ITPRID2: variants seen among roughly 807,000 people sequenced by gnomAD.
ITPRID2 encodes protein ITPRID2.
ITPRID2 carries 60 observed loss-of-function variants against 124.3 expected under a neutral mutation model. The observed-to-expected ratio is 0.48, with a 90% CI of 0.39 to 0.60. The LOEUF (loss-of-function observed/expected upper bound fraction) is 0.60. ITPRID2 is among the 20% of genes least tolerant of loss of function. The pLI, the probability that ITPRID2 is intolerant of heterozygous loss-of-function variation, is 0.00. For missense variants in ITPRID2, 1,553 were observed against 1,512.2 expected, an observed-to-expected ratio of 1.03 and a Z score of -0.45; for synonymous variants, 521 against 542.9, an observed-to-expected ratio of 0.96 and a Z score of 0.56.
At chr2:181,916,630 C>T (rs1694076356) in intron 11 of ITPRID2, 10 of 788,462 alleles carry the variant, frequency 1.3e-5, no homozygotes, top group South Asian at 9.9e-5. Context: ...TGATCAAAGT[C>T]GATTTCTCTG....
At chr2:181,923,229 A>G (rs969792860) in intron 16 of ITPRID2, among the ~76,000 whole-genome samples, 7 of 152,208 alleles carry the variant, frequency 4.6e-5, no homozygotes, top group Non-Finnish European at 8.8e-5. Flanking sequence ...AATAGAATAT[A>G]TCGTTTAAAC....
At chr2:181,900,071 G>A (rs1457566846) in intron 6 of ITPRID2, among the ~76,000 whole-genome samples, 1 of 152,218 alleles carries the variant, frequency 6.6e-6, no homozygotes, top group African/African-American at 2.4e-5. Flanking sequence ...GTATGAGAGA[G>A]AAGGGATACT....
At chr2:181,920,178 G>A (rs772564983) in intron 14 of ITPRID2, among the ~76,000 whole-genome samples, 2 of 152,090 alleles carry the variant, frequency 1.3e-5, no homozygotes, top group African/African-American at 2.4e-5. Flanking sequence ...AGAAATGGAT[G>A]AATATACACA....
Position 181,913,852 on chromosome 2 carries a change from G to T in ITPRID2, c.1494G>T (p.Leu498=), listed in dbSNP as rs1480638628. Residue 498 remains leucine, a synonymous_variant, in exon 10 of 18, where the codon CTG becomes CTT. Coordinates refer to ENST00000431877, the MANE Select transcript of ITPRID2 (RefSeq NM_001130445.3). ...ACATTTTTTTATTCATAGATCATCT[G>T]TTACGTACTGCAAGTCAGCATTCCG... ...LGLTKSKRDH[L]LRTASQHSDS... 6.2e-7 allele frequency: 1 copy of T among 1,612,060 alleles called. No individual in the cohort carries two copies. The highest frequency in any genetic ancestry group is 1.1e-5 in the South Asian group (1 of 90,866).
At position 181,918,584 on chromosome 2, in the gene ITPRID2, T is replaced by C. The variant is rs936564157; in HGVS notation, c.2788-14T>C. 4 of 1,613,156 alleles carry C rather than the reference T, an allele frequency of 2.5e-6. No individual in the cohort carries two copies. The Admixed American group carries it at 5.0e-5, about 20-fold the overall frequency. On this transcript the variant is annotated splice_polypyrimidine_tract_variant and intron_variant, in intron 11 of 17. Transcript: ENST00000431877. ...TTTAACATTGGTTTTAATCCTACTTTTACTTTTTTGAAGTACCCTATGATG... is the reference window on the plus strand; with the variant it reads ...TTTAACATTGGTTTTAATCCTACTTCTACTTTTTTGAAGTACCCTATGATG...
At position 181,892,393 on chromosome 2, in the gene ITPRID2, G is replaced by A; in HGVS notation, c.211+116G>A. On this transcript the variant is annotated intron_variant, in intron 1 of 17. Transcript: ENST00000431877. The surrounding 1 kb of genome is among the most constrained non-coding windows in gnomAD (Gnocchi z 5.2). The stretch of plus-strand genomic sequence containing the variant: ...CCTCGGGCACGGTAGGCCGAGGGGA[G>A]AGGGGACACTTCCGACCTTCAAACG... The A allele has an allele frequency of 7.8e-7, 1 of 1,275,900 alleles. No individual in the cohort carries two copies. The highest frequency in any genetic ancestry group is 1.1e-6 in the Non-Finnish European group (1 of 936,608). The allele number at this position is 1,275,900 out of a possible 1,614,324, so 79.0% of individuals were successfully genotyped here.
At chr2:181,898,074 A>G (rs1692355919) in intron 4 of ITPRID2, among the ~76,000 whole-genome samples, 1 of 152,130 alleles carries the variant, frequency 6.6e-6, no homozygotes, top group African/African-American at 2.4e-5. Context: ...GAAAGAGTAA[A>G]TCTATTATGT....
Position 181,901,766 on chromosome 2 carries a change from G to C in ITPRID2, c.713G>C (p.Ser238Thr). 1 of 1,575,766 alleles carries C rather than the reference G, an allele frequency of 6.3e-7. No homozygotes were observed. Among genetic ancestry groups the C allele is most frequent in the African/African-American group, 1.4e-5 (1 of 73,172 alleles). ...EVENPNYALTSRFRQIEVLTT... is the reference protein window; with the variant it reads ...EVENPNYALTTRFRQIEVLTT... Reference sequence around the variant, plus strand: ...TCATTAATATTGTTTCTTTTGGTAGGCCGTTTTCGTCAAATTGAAGTGCTT... The same window carrying C: ...TCATTAATATTGTTTCTTTTGGTAGCCCGTTTTCGTCAAATTGAAGTGCTT... The change falls in exon 8 of 18, where the codon AGC becomes ACC. Residue 238 changes from serine to threonine, a missense_variant and splice_region_variant. Ser to Thr is a moderately conservative substitution (Grantham distance 58). Coordinates refer to ENST00000431877, the MANE Select transcript of ITPRID2 (RefSeq NM_001130445.3).
rs1691869330 is a variant in ITPRID2 at position 181,892,806 on chromosome 2, T to G, written c.257+146T>G. 1 of 853,844 alleles carries G rather than the reference T, an allele frequency of 1.2e-6. No individual in the cohort carries two copies. The highest frequency in any genetic ancestry group is 2.7e-5 in the East Asian group (1 of 37,670). 52.9% of individuals were successfully genotyped at this position (853,844 alleles called of 1,614,324 possible). The stretch of plus-strand genomic sequence containing the variant: ...AGTGAGCCGGCGGATAGCTTCCTCC[T>G]CTAAGCGATTAGAAATGGAAGTGCT... On this transcript the variant is annotated intron_variant, in intron 2 of 17. Transcript: ENST00000431877. This position sits in a 1 kb window ranked among gnomAD's most constrained non-coding sequence, Gnocchi z 5.2.
In ITPRID2 at chr2:181,907,432, A is replaced by C. The variant is rs1369829578; in HGVS notation, c.1414-2467A>C. Reference sequence around the variant, plus strand: ...AACATTGAGACCATGCAATTTTATCACTTTGGTTTAGTGGTTTTTTTTTTT... The same window carrying C: ...AACATTGAGACCATGCAATTTTATCCCTTTGGTTTAGTGGTTTTTTTTTTT... On this transcript the variant is annotated intron_variant, in intron 8 of 17. Coordinates refer to ENST00000431877, the MANE Select transcript of ITPRID2 (RefSeq NM_001130445.3). The surrounding 1 kb of genome is among the most constrained non-coding windows in gnomAD (Gnocchi z 5.1). Among the ~76,000 whole-genome samples the C allele has an allele frequency of 8.0e-6, 1 of 124,876 alleles. No homozygotes were observed. The highest frequency in any genetic ancestry group is 1.7e-5 in the Non-Finnish European group (1 of 59,082). 81.9% of individuals were successfully genotyped at this position (124,876 alleles called of 152,430 possible). A position where few individuals can be genotyped will look rare whatever the true frequency, so the allele number is the denominator to read the frequency against.
intron 11 of ITPRID2, 45 bp downstream of exon 11, chr2:181,916,472 T>C (rs757108979): frequency 1.3e-6 from 2 of 1,563,230 alleles, no homozygotes; most frequent in Admixed American, 3.6e-5. Context: ...CTTTTACTGC[T>C]CTGAGCACTT....
At chr2:181,917,084 G>GGAA in intron 11 of ITPRID2, 1 of 925,052 alleles carries the variant, frequency 1.1e-6, no homozygotes. Flanking sequence ...TAGTAGACTG[G>GGAA]AAATAATTTT....
intron 8 of ITPRID2, 89 bp from the exon 9 acceptor site, chr2:181,909,810 G>A: frequency 3.2e-6 from 3 of 932,986 alleles, no homozygotes; most frequent in South Asian, 3.1e-5. Context: ...CTTGAGTTAG[G>A]TTGATTTGTT....
Position 181,910,485 on chromosome 2 carries a change from T to C in ITPRID2, c.1486+514T>C. ...TACTGTTCCTCTCTTAAATTATTAA[T>C]TATTGACCAAAGAACCTTTGAATCC... On this transcript the variant is annotated intron_variant, in intron 9 of 17. Coordinates refer to ENST00000431877, the MANE Select transcript of ITPRID2 (RefSeq NM_001130445.3). The surrounding 1 kb of genome is among the most constrained non-coding windows in gnomAD (Gnocchi z 4.1). 3.4e-6 allele frequency: 2 copies of C among 592,016 alleles called. No individual in the cohort carries two copies. Among genetic ancestry groups the C allele is most frequent in the Non-Finnish European group, 6.0e-6 (2 of 331,040 alleles). The allele number at this position is 592,016 out of a possible 1,614,324, so 36.7% of individuals were successfully genotyped here. A position where few individuals can be genotyped will look rare whatever the true frequency, so the allele number is the denominator to read the frequency against.
intron 11 of ITPRID2, chr2:181,917,382 C>T (rs1302094400): frequency 6.6e-6 from 1 of 152,238 alleles, no homozygotes; most frequent in African/African-American, 2.4e-5. Flanking sequence ...GTTTTATCCT[C>T]ATGACAATTG....
rs1345737707 is a variant in ITPRID2 at position 181,916,226 on chromosome 2, A to G, written c.2586A>G (p.Thr862=). 6.2e-7 allele frequency: 1 copy of G among 1,614,064 alleles called. No individual in the cohort carries two copies. Residue 862 remains threonine, a synonymous_variant, in exon 11 of 18, where the codon ACA becomes ACG. Transcript: ENST00000431877. ...EWQERPLCEH[T]RTLSTHSVPN... The stretch of plus-strand genomic sequence containing the variant: ...AAGAAAGGCCCCTGTGTGAGCACAC[A>G]AGAACTCTGAGCACTCACAGTGTTC...
rs1360051790 is a variant in ITPRID2 at position 181,905,217 on chromosome 2, T to G, written c.1413+2751T>G. Among the ~76,000 whole-genome samples the G allele has an allele frequency of 6.6e-6, 1 of 151,852 alleles. No individual in the cohort carries two copies. The highest frequency in any genetic ancestry group is 2.4e-5 in the African/African-American group (1 of 41,276). On this transcript the variant is annotated intron_variant, in intron 8 of 17. Transcript: ENST00000431877. The surrounding 1 kb of genome is among the most constrained non-coding windows in gnomAD (Gnocchi z 4.1). ...GGCACATACCACCACAGCCAGCTAA[T>G]TTTTTGTATTTTTAGTAGAGATGGG...
chr2:181,892,023 C>G lies in ITPRID2; in HGVS notation c.-44C>G, dbSNP rs1331027540. ...GCGGGGGTCCCTGCCGCCGCCTTGTCTCGCGCAGGGTCCGGCTGGGGTAGC... is the reference window on the plus strand; with the variant it reads ...GCGGGGGTCCCTGCCGCCGCCTTGTGTCGCGCAGGGTCCGGCTGGGGTAGC... On this transcript the variant is annotated 5_prime_UTR_variant, in exon 1 of 18. Coordinates refer to ENST00000431877, the MANE Select transcript of ITPRID2 (RefSeq NM_001130445.3). This position sits in a 1 kb window ranked among gnomAD's most constrained non-coding sequence, Gnocchi z 5.2. 3 of 1,538,008 alleles carry G rather than the reference C, an allele frequency of 2.0e-6. No homozygotes were observed. The highest frequency in any genetic ancestry group is 2.6e-6 in the Non-Finnish European group (3 of 1,140,498).
rs376959379 is a variant in ITPRID2, at chr2:181,922,270, T to C, written c.3533T>C (p.Val1178Ala). ...TPPDLESSEE[V>A]DAAEGAPEVV... ...CCAGATTTGGAAAGTTCTGAGGAAGTTGATGCAGCTGAAGGAGCCCCAGAA... is the reference window on the plus strand; with the variant it reads ...CCAGATTTGGAAAGTTCTGAGGAAGCTGATGCAGCTGAAGGAGCCCCAGAA... The change falls in exon 16 of 18, where the codon GTT becomes GCT. Residue 1178 changes from valine to alanine, a missense_variant. Transcript: ENST00000431877. 2.5e-5 allele frequency: 41 copies of C among 1,614,058 alleles called. No homozygotes were observed. The highest frequency in any genetic ancestry group is 1.6e-4 in the Middle Eastern group (1 of 6,084).
Sources: allele counts gnomAD v4.1 joint callset (sites outside exome capture counted in the v4.1 genomes callset), GRCh38; gene constraint gnomAD v4.1.1; non-coding constraint Gnocchi (gnomAD v3.1); transcripts MANE v1.5; gene names NCBI Gene and HGNC (gene_info 2026-07-23, HGNC 2026-07-21).